Variants in FOXK2 observed in about 807,000 individuals in gnomAD.
FOXK2 encodes forkhead box K2, also known as forkhead box protein K2.
In FOXK2, 24 loss-of-function variants were observed where a neutral mutation model predicts 53.3. The ratio of observed to expected loss-of-function variants is 0.45; its 90% CI spans 0.33 to 0.63. FOXK2 has a LOEUF of 0.63. Among genes scored for constraint, FOXK2 ranks in the 30% least tolerant of loss-of-function variants. FOXK2 has a pLI of 0.03. For synonymous variants in FOXK2, 505 were observed against 407.1 expected (o/e 1.24, Z -2.89); for missense variants, 952 against 910.5 (o/e 1.05, Z -0.59).
At chr17:82,584,374 G>T (rs1188406962) in intron 6 of FOXK2, among the ~76,000 whole-genome samples, 186 bp downstream of exon 6, 2 of 151,488 alleles carry the variant, frequency 1.3e-5, no homozygotes, top group Admixed American at 1.3e-4. Flanking sequence ...ATCAATGAAG[G>T]TTCTTTAAAC....
At chr17:82,559,437 C>A (rs1278275214) in intron 1 of FOXK2, 1 of 456,370 alleles carries the variant, frequency 2.2e-6, no homozygotes. Flanking sequence ...TTGTGTCCAC[C>A]TGGTTCTGCC....
intron 8 of FOXK2, among the ~76,000 whole-genome samples, chr17:82,595,470 A>AT (rs796508783): frequency 9.2e-5 from 14 of 151,734 alleles, no homozygotes; most frequent in African/African-American, 3.1e-4. Flanking sequence ...TCCAGCTAAT[A>AT]TTTTTTTTCT....
chr17:82,545,386 C>T (rs905481820), intron 1 of FOXK2, among the ~76,000 whole-genome samples: 5 of 152,168 alleles, frequency 3.3e-5, no homozygotes, highest in African/African-American at 1.2e-4. Context: ...TTATTGAATA[C>T]TGTGTTTCTG....
In FOXK2 at chr17:82,591,390, C is replaced by T. The variant is rs932427371; in HGVS notation, c.1786+4118C>T. On this transcript the variant is annotated intron_variant, in intron 8 of 8. Transcript: ENST00000335255. Reference sequence around the variant, plus strand: ...TCCACACCCTGCCCACCTGCCAATGCTCCTGTGTCCCCTGCTCTGCTCCAG... The same window carrying T: ...TCCACACCCTGCCCACCTGCCAATGTTCCTGTGTCCCCTGCTCTGCTCCAG... Among the ~76,000 whole-genome samples the T allele has an allele frequency of 4.4e-4, 67 of 152,156 alleles. 2 individuals are homozygous for T. Among genetic ancestry groups the T allele is most frequent in the Non-Finnish European group, 2.5e-4 (17 of 68,016 alleles).
intron 4 of FOXK2, among the ~76,000 whole-genome samples, chr17:82,578,817 T>G (rs1027049166): frequency 6.6e-6 from 1 of 152,186 alleles, no homozygotes; most frequent in African/African-American, 2.4e-5. Flanking sequence ...TCGTAAGTGA[T>G]GGTGGTGGTG....
At chr17:82,547,509 T>C (rs1381493140) in intron 1 of FOXK2, among the ~76,000 whole-genome samples, 2 of 152,232 alleles carry the variant, frequency 1.3e-5, no homozygotes, top group Non-Finnish European at 2.9e-5. Flanking sequence ...AAAATAATAC[T>C]TCTGGTTATT....
chr17:82,523,710 C>A (rs771859154), intron 1 of FOXK2, among the ~76,000 whole-genome samples: 75 of 152,050 alleles, frequency 4.9e-4, no homozygotes, highest in Non-Finnish European at 9.4e-4. Flanking sequence ...CTCCTGACCT[C>A]AGGTGATCTG....
At chr17:82,542,715 G>A (rs2044586517) in intron 1 of FOXK2, among the ~76,000 whole-genome samples, 1 of 152,150 alleles carries the variant, frequency 6.6e-6, no homozygotes, top group Non-Finnish European at 1.5e-5. Context: ...ATTACCAAGG[G>A]CTTGGTCAGC....
intron 4 of FOXK2, chr17:82,576,959 G>A (rs564907308): frequency 1.3e-5 from 5 of 391,912 alleles, no homozygotes; most frequent in South Asian, 5.4e-5. Context: ...TGGAGGGTTC[G>A]AGACCAGATG....
At chr17:82,549,769 G>A (rs1337701642) in intron 1 of FOXK2, among the ~76,000 whole-genome samples, 1 of 152,198 alleles carries the variant, frequency 6.6e-6, no homozygotes, top group African/African-American at 2.4e-5. Flanking sequence ...CTGGAATCGA[G>A]CCTCCCTGAT....
Position 82,520,126 on chromosome 17 carries a change from C to A in FOXK2, c.238C>A (p.Leu80Ile). The change falls in exon 1 of 9, where the codon CTC becomes ATC. Residue 80 changes from leucine to isoleucine, a missense_variant. By Grantham distance (5) the Leu-to-Ile change is conservative. Around this residue, in one of 5 missense-constraint regions of FOXK2, gnomAD observed 163 missense variants for 165.5 expected, o/e 0.98. Transcript: ENST00000335255. ...GHSSFISRRH[L>I]EIFTPPGGGG... Reference sequence around the variant, plus strand: ...CTCGAGCTTCATCTCCCGGCGCCACCTCGAGATCTTCACGCCCCCGGGCGG... The same window carrying A: ...CTCGAGCTTCATCTCCCGGCGCCACATCGAGATCTTCACGCCCCCGGGCGG... 2 of 1,507,182 alleles carry A rather than the reference C, an allele frequency of 1.3e-6. No homozygotes were observed. The highest frequency in any genetic ancestry group is 1.2e-5 in the South Asian group (1 of 82,474). The allele number at this position is 1,507,182 out of a possible 1,614,324, so 93.4% of individuals were successfully genotyped here.
At chr17:82,542,536 A>G (rs2044585026) in intron 1 of FOXK2, among the ~76,000 whole-genome samples, 1 of 151,038 alleles carries the variant, frequency 6.6e-6, no homozygotes, top group African/African-American at 2.4e-5. Context: ...TGTAGTTAGT[A>G]CTCCTGGGCT....
At chr17:82,555,347 C>T (rs1439666930) in intron 1 of FOXK2, among the ~76,000 whole-genome samples, 1 of 152,140 alleles carries the variant, frequency 6.6e-6, no homozygotes, top group Non-Finnish European at 1.5e-5. Flanking sequence ...CTGGTTTCGC[C>T]CCCACCTCCG....
chr17:82,550,488 C>T (rs1181126475), intron 1 of FOXK2, among the ~76,000 whole-genome samples: 1 of 150,310 alleles, frequency 6.7e-6, no homozygotes, highest in Non-Finnish European at 1.5e-5. Context: ...CATGCCTGGC[C>T]CTTCTGAGGC....
chr17:82,525,297 C>T (rs2044406187), intron 1 of FOXK2, among the ~76,000 whole-genome samples: 1 of 152,158 alleles, frequency 6.6e-6, no homozygotes, highest in Non-Finnish European at 1.5e-5. Context: ...CTGTCTCAGC[C>T]TCCCAAGTAG....
intron 2 of FOXK2, among the ~76,000 whole-genome samples, chr17:82,567,783 C>A (rs972163881): frequency 6.8e-6 from 1 of 147,566 alleles, no homozygotes; most frequent in African/African-American, 2.4e-5. Context: ...CACTGCCTCC[C>A]CTGAGAGCTT....
In FOXK2 at chr17:82,585,974, C is replaced by A. The variant is rs1426801746; in HGVS notation, c.1350C>A (p.Val450=). 5.0e-6 allele frequency: 8 copies of A among 1,612,696 alleles called. No individual in the cohort carries two copies. The highest frequency in any genetic ancestry group is 2.7e-5 in the African/African-American group (2 of 74,940). ...QRQLPQAIKP[V]TYTVATPVTT... Reference sequence around the variant, plus strand: ...AGCTACCACAGGCCATCAAGCCTGTCACCTACACTGTGGCCACCCCAGTGA... The same window carrying A: ...AGCTACCACAGGCCATCAAGCCTGTAACCTACACTGTGGCCACCCCAGTGA... The change falls in exon 7 of 9, where the codon GTC becomes GTA. Residue 450 remains valine, a synonymous_variant. Coordinates refer to ENST00000335255, the MANE Select transcript of FOXK2 (RefSeq NM_004514.4).
chr17:82,564,549 T>C lies in FOXK2; in HGVS notation c.614+1001T>C, dbSNP rs142871315. 8.2e-4 allele frequency among the ~76,000 whole-genome samples: 124 copies of C among 152,100 alleles called. 1 individual carries two copies. In the East Asian group the frequency reaches 0.02, roughly 25 times the overall value. On this transcript the variant is annotated intron_variant, in intron 2 of 8. Transcript: ENST00000335255. ...CTGTGCCTGGCCTGGATTCTTTTTA[T>C]TGGAGTATAAATGAAAGGGCAGACA...
At chr17:82,560,300 G>A (rs530970744) in intron 1 of FOXK2, among the ~76,000 whole-genome samples, 5 of 152,210 alleles carry the variant, frequency 3.3e-5, no homozygotes, top group African/African-American at 4.8e-5. Flanking sequence ...GAACCACTGC[G>A]CCCGGCCCTT....
Sources: allele counts gnomAD v4.1 joint callset (sites outside exome capture counted in the v4.1 genomes callset), GRCh38; gene constraint gnomAD v4.1.1; regional missense constraint gnomAD v4.1.1; transcripts MANE v1.5; gene names NCBI Gene and HGNC (gene_info 2026-07-23, HGNC 2026-07-21).